The following AGBL1 variants were observed in gnomAD, a reference collection of about 807,000 sequenced individuals.
The protein encoded by AGBL1 is cytosolic carboxypeptidase 4.
AGBL1 carries 130 observed loss-of-function variants against 118.9 expected under a neutral mutation model. That is an observed-to-expected ratio of 1.09 (90% CI 0.95 to 1.26). The LOEUF is 1.26. Among genes scored for constraint, AGBL1 ranks in the 50% most tolerant of loss-of-function variants. The pLI, the probability that AGBL1 is intolerant of heterozygous loss-of-function variation, is 0.00. For synonymous variants in AGBL1, 555 were observed against 478.9 expected (o/e 1.16, Z -2.08); for missense variants, 1,584 against 1,298.1 (o/e 1.22, Z -3.38).
intron 22 of AGBL1, among the ~76,000 whole-genome samples, chr15:86,727,490 T>A (rs1358668228): frequency 6.6e-6 from 1 of 152,160 alleles, no homozygotes; most frequent in Non-Finnish European, 1.5e-5. Context: ...ATGAACATAG[T>A]CCTTGCTGGA....
chr15:86,167,758 C>T (rs1192546079), intron 5 of AGBL1, among the ~76,000 whole-genome samples: 1 of 152,170 alleles, frequency 6.6e-6, no homozygotes, highest in Non-Finnish European at 1.5e-5. Context: ...GGCCATCACA[C>T]AAATGTGTAG....
intron 23 of AGBL1, among the ~76,000 whole-genome samples, chr15:86,959,158 T>C (rs1186446260): frequency 6.6e-6 from 1 of 152,160 alleles, no homozygotes; most frequent in Non-Finnish European, 1.5e-5. Context: ...AATGTAGCAA[T>C]AGTTTAGTAT....
rs569005201 is a variant in AGBL1 at position 86,849,497 on chromosome 15, A to G, written c.3159-57590A>G. 2.3e-3 allele frequency among the ~76,000 whole-genome samples: 336 copies of G among 143,316 alleles called. 3 individuals carry two copies. Among genetic ancestry groups the G allele is most frequent in the African/African-American group, 8.2e-3 (325 of 39,466 alleles). 94.0% of individuals were successfully genotyped at this position (143,316 alleles called of 152,430 possible). On this transcript the variant is annotated intron_variant, in intron 22 of 22. Coordinates refer to ENST00000614907, the MANE Select transcript of AGBL1 (RefSeq NM_001386094.1). Reference sequence around the variant, plus strand: ...AACAAAGAGCTATGAAAATAAGGTGATGGCTTTCTTTCTTTCTTTCTTTTT... The same window carrying G: ...AACAAAGAGCTATGAAAATAAGGTGGTGGCTTTCTTTCTTTCTTTCTTTTT...
At chr15:86,847,223 C>T (rs1283867555) in intron 22 of AGBL1, among the ~76,000 whole-genome samples, 2 of 152,092 alleles carry the variant, frequency 1.3e-5, no homozygotes, top group Non-Finnish European at 2.9e-5. Flanking sequence ...ACTTTGAAGT[C>T]TTTTTCTGCT....
chr15:86,081,954 A>G (rs1041957872), intron 1 of AGBL1, among the ~76,000 whole-genome samples: 4 of 152,226 alleles, frequency 2.6e-5, no homozygotes, highest in African/African-American at 9.6e-5. Context: ...ATTCCCAATT[A>G]TCAAAGAAAG....
At chr15:86,713,532 G>C (rs1318254391) in intron 22 of AGBL1, among the ~76,000 whole-genome samples, 1 of 152,182 alleles carries the variant, frequency 6.6e-6, no homozygotes, top group Non-Finnish European at 1.5e-5. Context: ...TAGAGCACTA[G>C]ACGGGTTGTG....
At chr15:86,650,963 G>A (rs2142494334) in intron 21 of AGBL1, among the ~76,000 whole-genome samples, 1 of 152,324 alleles carries the variant, frequency 6.6e-6, no homozygotes, top group Admixed American at 6.5e-5. Context: ...TCTGTAGTTA[G>A]TAAATCCCTT....
chr15:86,570,557 C>T (rs772884157), intron 21 of AGBL1, among the ~76,000 whole-genome samples: 2 of 152,072 alleles, frequency 1.3e-5, no homozygotes, highest in Non-Finnish European at 2.9e-5. Flanking sequence ...GGGTGTTCCC[C>T]GAACTGTCAT....
At chr15:86,957,547 C>T (rs925318680) in intron 23 of AGBL1, among the ~76,000 whole-genome samples, 1 of 151,850 alleles carries the variant, frequency 6.6e-6, no homozygotes, top group Non-Finnish European at 1.5e-5. Context: ...AATCACATTA[C>T]TATATAGCAG....
At chr15:86,186,550 C>T (rs547363857) in intron 5 of AGBL1, among the ~76,000 whole-genome samples, 10 of 152,244 alleles carry the variant, frequency 6.6e-5, no homozygotes, top group South Asian at 6.2e-4. Flanking sequence ...TAGTGTTAAA[C>T]GTGAGGGCAA....
At chr15:86,611,655 A>AT (rs551379371) in intron 21 of AGBL1, among the ~76,000 whole-genome samples, 103 of 151,858 alleles carry the variant, frequency 6.8e-4, no homozygotes, top group African/African-American at 1.9e-3. Context: ...CTGTCAAGGT[A>AT]TTTTTTCCCC....
intron 22 of AGBL1, among the ~76,000 whole-genome samples, chr15:86,766,870 C>T (rs927715030): frequency 6.6e-6 from 1 of 151,352 alleles, no homozygotes; most frequent in Non-Finnish European, 1.5e-5. Context: ...CACACACACA[C>T]CCCTCTGCTC....
At position 86,662,124 on chromosome 15, in the gene AGBL1, C is replaced by A. The variant is rs576316011; in HGVS notation, c.2995-12149C>A. 1.1e-4 allele frequency among the ~76,000 whole-genome samples: 17 copies of A among 152,246 alleles called. 1 individual carries two copies. The highest frequency in any genetic ancestry group is 4.1e-4 in the African/African-American group (17 of 41,564). On this transcript the variant is annotated intron_variant, in intron 21 of 22. Transcript: ENST00000614907. ...AATTGGAGAAAAATAAAGATTTCAG[C>A]TGGAAAAAGAGAAGCAAAACTAAGC... is the stretch of plus-strand genomic sequence containing the variant.
intron 5 of AGBL1, among the ~76,000 whole-genome samples, chr15:86,210,829 T>A (rs1311830713): frequency 6.6e-6 from 1 of 152,170 alleles, no homozygotes; most frequent in Admixed American, 6.5e-5. Context: ...AGCTCGTCAG[T>A]GTCATTCTCC....
chr15:86,314,019 A>T (rs2079959757), intron 17 of AGBL1, among the ~76,000 whole-genome samples: 1 of 152,200 alleles, frequency 6.6e-6, no homozygotes, highest in South Asian at 2.1e-4. Context: ...AGAATCATAA[A>T]CGCCTAGATC....
intron 1 of AGBL1, among the ~76,000 whole-genome samples, chr15:86,099,311 G>T (rs1267104648): frequency 6.6e-6 from 1 of 151,984 alleles, no homozygotes; most frequent in African/African-American, 2.4e-5. Flanking sequence ...TTTTATGTTT[G>T]GTAGCTATTG....
At chr15:86,745,057 T>C (rs1028059321) in intron 22 of AGBL1, among the ~76,000 whole-genome samples, 1 of 152,124 alleles carries the variant, frequency 6.6e-6, no homozygotes, top group Non-Finnish European at 1.5e-5. Flanking sequence ...AGTATGTCTT[T>C]CCGTAGACGT....
At chr15:86,452,623 G>T (rs1363056051) in intron 18 of AGBL1, among the ~76,000 whole-genome samples, 1 of 152,118 alleles carries the variant, frequency 6.6e-6, no homozygotes, top group East Asian at 1.9e-4. Context: ...GAAAGATGGG[G>T]CACAAGGAAG....
At chr15:86,998,874 T>G (rs1012079623) in intron 24 of AGBL1, among the ~76,000 whole-genome samples, 15 of 151,242 alleles carry the variant, frequency 9.9e-5, no homozygotes, top group Non-Finnish European at 1.8e-4. Flanking sequence ...TATATATTTT[T>G]TATTATACTT....
Sources: allele counts gnomAD v4.1 joint callset (sites outside exome capture counted in the v4.1 genomes callset), GRCh38; gene constraint gnomAD v4.1.1; transcripts MANE v1.5; gene names NCBI Gene and HGNC (gene_info 2026-07-23, HGNC 2026-07-21).